Variants in KCMF1 observed in about 807,000 individuals in gnomAD.
KCMF1 encodes E3 ubiquitin-protein ligase KCMF1.
Under a neutral mutation model 41.1 loss-of-function variants are expected in KCMF1, and 3 were observed. The ratio of observed to expected loss-of-function variants is 0.07; its 90% CI spans 0.03 to 0.19. The LOEUF (loss-of-function observed/expected upper bound fraction) is 0.19, where lower values mean the gene tolerates loss of function less well. KCMF1 is among the 10% of genes least tolerant of loss of function. The pLI is 1.00. For synonymous variants in KCMF1, 142 were observed against 164.5 expected, an observed-to-expected ratio of 0.86 and a Z score of 1.04; for missense variants, 286 against 488.9, an observed-to-expected ratio of 0.58 and a Z score of 3.91.
chr2:85,028,454 G>A (rs2104029607), intron 2 of KCMF1, among the ~76,000 whole-genome samples: 1 of 149,672 alleles, frequency 6.7e-6, no homozygotes, highest in Admixed American at 6.7e-5. Flanking sequence ...CAAAGTGCTG[G>A]GATTATAGGC....
chr2:85,030,997 C>G (rs958424491), intron 2 of KCMF1, among the ~76,000 whole-genome samples: 5 of 152,224 alleles, frequency 3.3e-5, no homozygotes, highest in Non-Finnish European at 5.9e-5. Flanking sequence ...CATGCCAAGC[C>G]TACATGTCTG....
chr2:85,038,441 C>T (rs1170679951), intron 3 of KCMF1, among the ~76,000 whole-genome samples: 1 of 152,092 alleles, frequency 6.6e-6, no homozygotes. Context: ...TCCACTAGTC[C>T]TTTATGTATA....
At chr2:84,979,713 T>G (rs576136813) in intron 1 of KCMF1, among the ~76,000 whole-genome samples, 1 of 152,236 alleles carries the variant, frequency 6.6e-6, no homozygotes, top group African/African-American at 2.4e-5. Context: ...GACCATGATG[T>G]TTTTCATTTC....
chr2:85,026,569 G>A (rs973624351), intron 1 of KCMF1, among the ~76,000 whole-genome samples: 2 of 151,660 alleles, frequency 1.3e-5, no homozygotes, highest in African/African-American at 4.8e-5. Flanking sequence ...GGTCACTGCA[G>A]CTTCGAGCTC....
At chr2:85,023,723 T>G (rs1030034148) in intron 1 of KCMF1, among the ~76,000 whole-genome samples, 2 of 152,206 alleles carry the variant, frequency 1.3e-5, no homozygotes, top group African/African-American at 2.4e-5. Flanking sequence ...GGGAATTTAT[T>G]TAAGAGTGAA....
At chr2:84,992,650 T>C (rs113954001) in intron 1 of KCMF1, among the ~76,000 whole-genome samples, 2,663 of 151,996 alleles carry the variant, frequency 0.018, 62 homozygotes, top group African/African-American at 0.061. Flanking sequence ...GTTTTTTTCT[T>C]GAGACGGAGT....
chr2:84,984,546 T>C (rs905035941), intron 1 of KCMF1, among the ~76,000 whole-genome samples: 27 of 151,488 alleles, frequency 1.8e-4, no homozygotes, highest in African/African-American at 6.3e-4. Flanking sequence ...AGAGGCTGGG[T>C]ACGGTGGCTC....
At chr2:84,994,031 T>G (rs981152813) in intron 1 of KCMF1, among the ~76,000 whole-genome samples, 5 of 151,996 alleles carry the variant, frequency 3.3e-5, no homozygotes, top group African/African-American at 7.3e-5. Context: ...CACTGCAAGC[T>G]CCGCCTCCTG....
At chr2:84,985,191 G>A (rs963782366) in intron 1 of KCMF1, among the ~76,000 whole-genome samples, 1 of 152,168 alleles carries the variant, frequency 6.6e-6, no homozygotes. Context: ...GGTGGAAAGG[G>A]GTAGGAAGTG....
chr2:84,985,925 ATTC>A (rs1673891141), intron 1 of KCMF1, among the ~76,000 whole-genome samples: 2 of 152,226 alleles, frequency 1.3e-5, no homozygotes, highest in African/African-American at 2.4e-5. Flanking sequence ...TATATTTTAT[ATTC>A]TGATGCAGTA....
chr2:85,034,946 T>G, intron 2 of KCMF1, 70 bp from the exon 3 acceptor site: 1 of 1,323,458 alleles, frequency 7.6e-7, no homozygotes, highest in Non-Finnish European at 1.1e-6. Context: ...TACATTATTG[T>G]ATCGTACGAT....
At chr2:85,045,417 C>A (rs1340491633) in intron 4 of KCMF1, among the ~76,000 whole-genome samples, 1 of 152,106 alleles carries the variant, frequency 6.6e-6, no homozygotes, top group African/African-American at 2.4e-5. Context: ...AACTCCAGAA[C>A]CATCAGCTGA....
At chr2:85,007,363 C>G (rs575691050) in intron 1 of KCMF1, among the ~76,000 whole-genome samples, 1 of 152,202 alleles carries the variant, frequency 6.6e-6, no homozygotes. Context: ...TCGGCTTCCC[C>G]GAGTTTCCAA....
intron 1 of KCMF1, among the ~76,000 whole-genome samples, chr2:85,023,797 G>A (rs571172199): frequency 6.6e-6 from 1 of 152,174 alleles, no homozygotes; most frequent in Non-Finnish European, 1.5e-5. Context: ...ATTTTTCAAA[G>A]TGGTTGTGCT....
intron 1 of KCMF1, among the ~76,000 whole-genome samples, chr2:84,984,649 C>T (rs968744917): frequency 3.3e-5 from 5 of 151,986 alleles, no homozygotes; most frequent in South Asian, 2.1e-4. Context: ...GAAGAAACCC[C>T]GTCACTACTA....
intron 1 of KCMF1, among the ~76,000 whole-genome samples, chr2:84,996,835 G>A (rs1381803443): frequency 6.6e-6 from 1 of 152,088 alleles, no homozygotes; most frequent in Admixed American, 6.6e-5. Flanking sequence ...AGAGGGATAC[G>A]TGCTGAGAAA....
chr2:85,033,262 A>G (rs1250683286), intron 2 of KCMF1, among the ~76,000 whole-genome samples: 33 of 152,334 alleles, frequency 2.2e-4, no homozygotes. Context: ...TTCTCACAAA[A>G]GCTCTCTTAA....
At position 85,054,348 on chromosome 2, in the gene KCMF1, G is replaced by C. The variant is rs938689183; in HGVS notation, c.*939G>C. ...CTCAATCATATTTTGCATTATTTATGTATTTGCTTTGTAGTTTGCTGAGAC... is the reference window on the plus strand; with the variant it reads ...CTCAATCATATTTTGCATTATTTATCTATTTGCTTTGTAGTTTGCTGAGAC... On this transcript the variant is annotated 3_prime_UTR_variant, in exon 7 of 7. Transcript: ENST00000409785. 6.6e-6 allele frequency: 1 copy of C among 152,024 alleles called. No individual in the cohort carries two copies. The highest frequency in any genetic ancestry group is 1.5e-5 in the Non-Finnish European group (1 of 68,008). The allele number at this position is 152,024 out of a possible 1,614,324, so 9.4% of individuals were successfully genotyped here. A position where few individuals can be genotyped will look rare whatever the true frequency, so the allele number is the denominator to read the frequency against.
At chr2:84,998,863 C>T (rs1297933511) in intron 1 of KCMF1, among the ~76,000 whole-genome samples, 3 of 151,464 alleles carry the variant, frequency 2.0e-5, no homozygotes, top group Non-Finnish European at 4.4e-5. Flanking sequence ...CCACCCAACT[C>T]GGACTCCCAA....
Sources: allele counts gnomAD v4.1 joint callset (sites outside exome capture counted in the v4.1 genomes callset), GRCh38; gene constraint gnomAD v4.1.1; transcripts MANE v1.5; gene names NCBI Gene and HGNC (gene_info 2026-07-23, HGNC 2026-07-21).